Variants in ADAMTS20 observed in about 807,000 individuals in gnomAD.
ADAMTS20 encodes the protein ADAM metallopeptidase with thrombospondin type 1 motif 20.
Under a neutral mutation model 260.1 loss-of-function variants are expected in ADAMTS20, and 225 were observed. That is an observed-to-expected ratio of 0.87 (90% CI 0.78 to 0.97). ADAMTS20 has a LOEUF of 0.97. Ranked by LOEUF, ADAMTS20 falls within the 50% of genes least tolerant of loss-of-function variation. The pLI, the probability that ADAMTS20 is intolerant of heterozygous loss-of-function variation, is 0.00. For synonymous variants in ADAMTS20, 802 were observed against 769.5 expected (o/e 1.04, Z -0.70); for missense variants, 2,400 against 2,337.7 (o/e 1.03, Z -0.55).
At chr12:43,464,902 A>G (rs10785434) in intron 9 of ADAMTS20, among the ~76,000 whole-genome samples, 170 bp from the exon 10 acceptor site, 50,135 of 151,974 alleles carry the variant, frequency 0.33, 8,887 homozygotes, top group East Asian at 0.75. Flanking sequence ...TCGTACACAT[A>G]AGGATGACCT....
intron 2 of ADAMTS20, among the ~76,000 whole-genome samples, chr12:43,549,175 TACAC>T (rs1306203246): frequency 1.1e-5 from 1 of 90,216 alleles, no homozygotes; most frequent in Non-Finnish European, 2.3e-5. Flanking sequence ...CTGATTAACT[TACAC>T]ATAATATATT....
chr12:43,449,052 C>A (rs780937621), intron 14 of ADAMTS20, among the ~76,000 whole-genome samples: 2 of 152,118 alleles, frequency 1.3e-5, no homozygotes, highest in Non-Finnish European at 2.9e-5. Context: ...TAAATTGGTT[C>A]AACCACTGTG....
At position 43,532,106 on chromosome 12, in the gene ADAMTS20, C is replaced by T. The variant is rs758632950; in HGVS notation, c.543G>A (p.Lys181=). ...AGTCTTGTCTGTATATAAGATGTGG[C>T]TTGTTGTGACCATCTTCATATTCAT... ...DGNEYEDGHN[K]PHLIYRQDLN... The change falls in exon 3 of 39, where the codon AAG becomes AAA. Residue 181 remains lysine, a synonymous_variant. Transcript: ENST00000389420. 1 of 1,612,248 alleles carries T rather than the reference C, an allele frequency of 6.2e-7. No individual in the cohort carries two copies. Among genetic ancestry groups the T allele is most frequent in the Non-Finnish European group, 8.5e-7 (1 of 1,179,176 alleles).
Position 43,502,377 on chromosome 12 carries a change from G to T in ADAMTS20, c.642C>A (p.Pro214=). ...CATTCATGTTGCTGTAGGTATGAAA[G>T]GGTAAACTGGTTTCCTTTATTTGAC... ...SESQIKETSL[P]FHTYSNMNED... Residue 214 remains proline (P), a synonymous_variant, in exon 4 of 39, where the codon CCC becomes CCA. Transcript: ENST00000389420. 1 of 1,595,424 alleles carries T rather than the reference G, an allele frequency of 6.3e-7. No homozygotes were observed. The highest frequency in any genetic ancestry group is 8.5e-7 in the Non-Finnish European group (1 of 1,175,322).
intron 2 of ADAMTS20, among the ~76,000 whole-genome samples, chr12:43,539,811 C>G (rs1943351577): frequency 6.6e-6 from 1 of 152,098 alleles, no homozygotes; most frequent in South Asian, 2.1e-4. Flanking sequence ...ACTCAACTAA[C>G]TGTACCTACA....
chr12:43,524,740 T>C (rs561403060), intron 3 of ADAMTS20, among the ~76,000 whole-genome samples: 1 of 152,180 alleles, frequency 6.6e-6, no homozygotes, highest in Non-Finnish European at 1.5e-5. Flanking sequence ...AACAGCAGAC[T>C]AGAACAATTA....
chr12:43,385,084 G>C (rs866036693), intron 29 of ADAMTS20, among the ~76,000 whole-genome samples: 1 of 152,154 alleles, frequency 6.6e-6, no homozygotes, highest in South Asian at 2.1e-4. Context: ...CAGTGTAAAA[G>C]CATTCCTATT....
Position 43,425,623 on chromosome 12 carries a change from AT to A in ADAMTS20, c.4174del (p.Ile1392TyrfsTer2). ...LVICQFPNGQ[I>X]LEDHNCEIVN... ...AATTTCACAGTTGTGATCTTCTAAT[AT>A]TTGGCCATTGGGAAATTGACATATT... On this transcript the variant is annotated frameshift_variant, in exon 28 of 39. Transcript: ENST00000389420. LOFTEE classifies it high-confidence loss of function. The A allele has an allele frequency of 6.2e-7, 1 of 1,611,076 alleles. No individual in the cohort carries two copies. The highest frequency in any genetic ancestry group is 8.5e-7 in the Non-Finnish European group (1 of 1,178,164).
At chr12:43,495,605 G>A (rs185174168) in intron 4 of ADAMTS20, among the ~76,000 whole-genome samples, 3 of 152,234 alleles carry the variant, frequency 2.0e-5, no homozygotes, top group Non-Finnish European at 2.9e-5. Context: ...GTATCCAAAA[G>A]CATGATTGCT....
intron 11 of ADAMTS20, among the ~76,000 whole-genome samples, chr12:43,454,400 A>G (rs1428262159): frequency 6.6e-6 from 1 of 152,104 alleles, no homozygotes; most frequent in African/African-American, 2.4e-5. Flanking sequence ...TTTTTTACTC[A>G]AAGTATCTAT....
At chr12:43,421,282 CAAAAA>C (rs61465679) in intron 28 of ADAMTS20, among the ~76,000 whole-genome samples, 1 of 118,892 alleles carries the variant, frequency 8.4e-6, no homozygotes, top group South Asian at 2.7e-4. Flanking sequence ...CTTTCATTTA[CAAAAA>C]AAAAAAAAAA....
chr12:43,375,582 G>A, intron 35 of ADAMTS20, 70 bp from the exon 36 acceptor site: 1 of 1,535,256 alleles, frequency 6.5e-7, no homozygotes, highest in Non-Finnish European at 8.9e-7. Context: ...AACTTTGGGA[G>A]TAGAAAAATA....
At chr12:43,450,793 TGAA>T (rs1941851219) in intron 14 of ADAMTS20, among the ~76,000 whole-genome samples, 1 of 152,188 alleles carries the variant, frequency 6.6e-6, no homozygotes. Flanking sequence ...CATAATGTTT[TGAA>T]GAATATCAAT....
chr12:43,498,697 C>A (rs1039581738), intron 4 of ADAMTS20, among the ~76,000 whole-genome samples: 1 of 152,128 alleles, frequency 6.6e-6, no homozygotes, highest in African/African-American at 2.4e-5. Flanking sequence ...CCCTTTAAAG[C>A]GGTTTTTGAA....
chr12:43,361,256 G>A (rs1939861209), intron 37 of ADAMTS20, among the ~76,000 whole-genome samples: 1 of 152,192 alleles, frequency 6.6e-6, no homozygotes, highest in Admixed American at 6.5e-5. Flanking sequence ...TCAAGCATCT[G>A]GAGAGTATTC....
Position 43,439,661 on chromosome 12 carries a change from G to T in ADAMTS20, c.2554C>A (p.Pro852Thr), listed in dbSNP as rs771270670. The T allele has an allele frequency of 1.2e-6, 2 of 1,613,500 alleles. No individual in the cohort carries two copies. Among genetic ancestry groups the T allele is most frequent in the South Asian group, 1.1e-5 (1 of 91,030 alleles). ...GTACAGCCTTCCCATGGTCCATAGG[G>T]GTCCCATGTGAACATGTCACTCCTC... is the stretch of plus-strand genomic sequence containing the variant. ...EERSDMFTWD[P>T]YGPWEGCTKM... Residue 852 changes from proline to threonine, a missense_variant, in exon 18 of 39, where the codon CCC (proline) becomes ACC (threonine). Physicochemically the swap from Pro to Thr is conservative, Grantham distance 38 (BLOSUM62 -1). Transcript: ENST00000389420.
intron 18 of ADAMTS20, among the ~76,000 whole-genome samples, chr12:43,436,505 A>C (rs1440278675): frequency 3.3e-5 from 5 of 151,890 alleles, no homozygotes; most frequent in Admixed American, 2.6e-4. Context: ...TGATTTGAAC[A>C]TATCAATATA....
chr12:43,406,929 A>G (rs1362984506), intron 28 of ADAMTS20, among the ~76,000 whole-genome samples: 2 of 152,060 alleles, frequency 1.3e-5, no homozygotes, highest in Non-Finnish European at 2.9e-5. Context: ...CTAAAATAGT[A>G]CTGCTACTGT....
chr12:43,445,093 C>T (rs1941736606), intron 15 of ADAMTS20, among the ~76,000 whole-genome samples: 1 of 151,982 alleles, frequency 6.6e-6, no homozygotes, highest in African/African-American at 2.4e-5. Context: ...TTCAAGAAAG[C>T]AAGCCTAAGG....
Sources: gnomAD v4.1 joint callset for allele counts (sites outside exome capture counted in the v4.1 genomes callset) on GRCh38, gnomAD v4.1.1 for gene constraint, MANE v1.5 for transcripts, NCBI Gene and HGNC (gene_info 2026-07-23, HGNC 2026-07-21) for gene names.